The following LRCH2 variants were observed in gnomAD, a reference collection of about 807,000 sequenced individuals.
The protein encoded by LRCH2 is leucine rich repeats and calponin homology domain containing 2, also known as leucine-rich repeat and calponin homology domain-containing protein 2.
In LRCH2, 38 loss-of-function variants were observed where a neutral mutation model predicts 68.9. The observed-to-expected ratio is 0.55, with a 90% confidence interval of 0.43 to 0.72. The LOEUF (loss-of-function observed/expected upper bound fraction) is 0.72, where lower values mean the gene tolerates loss of function less well. LRCH2 is among the 30% of genes least tolerant of loss of function. The pLI is 0.00. For synonymous variants in LRCH2, 191 were observed against 208.1 expected (o/e 0.92, Z 0.71); for missense variants, 528 against 572.9 (o/e 0.92, Z 0.80).
chrX:115,182,518 A>G (rs1382274043), intron 3 of LRCH2, among the ~76,000 whole-genome samples: 3 of 111,935 alleles, frequency 2.7e-5, no homozygotes, highest in African/African-American at 9.8e-5. Flanking sequence ...AAGGATGTTT[A>G]AGCTATAGAA....
chrX:115,161,470 CTTATA>C (rs1249521985), intron 11 of LRCH2, among the ~76,000 whole-genome samples: 1 of 111,722 alleles, frequency 9.0e-6, no homozygotes, highest in East Asian at 2.8e-4. Context: ...CTAAAAAGTT[CTTATA>C]TTAGTATGTA....
At chrX:115,116,024 C>T (rs964990095) in intron 20 of LRCH2, among the ~76,000 whole-genome samples, 26 of 110,867 alleles carry the variant, frequency 2.3e-4, no homozygotes, top group African/African-American at 7.5e-4. Flanking sequence ...ACTAAAATAG[C>T]TACAACCAAA....
intron 1 of LRCH2, 99 bp downstream of exon 1, chrX:115,233,594 C>G (rs1359527596): frequency 1.6e-4 from 144 of 895,252 alleles, no homozygotes; most frequent in Non-Finnish European, 2.1e-4. Flanking sequence ...TCCCCGCGCA[C>G]CCGCCCAGAC....
At chrX:115,206,828 T>G (rs2072971052) in intron 1 of LRCH2, among the ~76,000 whole-genome samples, 1 of 108,657 alleles carries the variant, frequency 9.2e-6, no homozygotes, top group Non-Finnish European at 1.9e-5. Context: ...TGTTTCAGAT[T>G]TAAAATCAGT....
In LRCH2 at chrX:115,187,054, G is replaced by A. The variant is rs782247693; in HGVS notation, c.494+1172C>T. On this transcript the variant is annotated intron_variant, in intron 2 of 20. Transcript: ENST00000317135. ...AGGATGGTCTCGATCTCCTAACCTC[G>A]TGATCCACCCGCCTTGGCCTCCCAA... 8.1e-5 allele frequency among the ~76,000 whole-genome samples: 9 copies of A among 111,069 alleles called. No individual in the cohort carries two copies. The South Asian group carries it at 2.7e-3, about 33-fold the overall frequency.
At chrX:115,150,664 T>C (rs782216497) in intron 12 of LRCH2, among the ~76,000 whole-genome samples, 1 of 111,223 alleles carries the variant, frequency 9.0e-6, no homozygotes, top group Non-Finnish European at 1.9e-5. Flanking sequence ...GAAGCTGCTA[T>C]AACTTAACAC....
intron 12 of LRCH2, among the ~76,000 whole-genome samples, chrX:115,156,194 T>C (rs1381005834): frequency 3.6e-5 from 4 of 111,724 alleles, no homozygotes; most frequent in Admixed American, 2.9e-4. Context: ...TTCTCAGGAA[T>C]TCATATATGT....
At chrX:115,213,021 A>G (rs1556570335) in intron 1 of LRCH2, among the ~76,000 whole-genome samples, 1 of 107,372 alleles carries the variant, frequency 9.3e-6, no homozygotes, top group Non-Finnish European at 1.9e-5. Context: ...CTGGTCTCAA[A>G]CTCCTGGGCT....
intron 5 of LRCH2, among the ~76,000 whole-genome samples, chrX:115,171,220 C>G (rs1461607040): frequency 9.0e-6 from 1 of 111,277 alleles, no homozygotes; most frequent in Non-Finnish European, 1.9e-5. Context: ...GCAAAAAAAT[C>G]AGCAAAGAAA....
intron 1 of LRCH2, 113 bp downstream of exon 1, chrX:115,233,580 G>A: frequency 1.3e-6 from 1 of 782,550 alleles, no homozygotes; most frequent in Non-Finnish European, 1.8e-6. Flanking sequence ...TGTTAGTCTG[G>A]CGGTCCCCGC....
chrX:115,132,461 C>T (rs1057076931), intron 14 of LRCH2, among the ~76,000 whole-genome samples: 25 of 111,643 alleles, frequency 2.2e-4, no homozygotes, highest in Non-Finnish European at 9.4e-5. Flanking sequence ...CCTTTACATA[C>T]GCAGCATTAT....
intron 1 of LRCH2, among the ~76,000 whole-genome samples, chrX:115,196,787 A>G (rs2072890482): frequency 9.0e-6 from 1 of 111,280 alleles, no homozygotes; most frequent in South Asian, 3.9e-4. Flanking sequence ...GGAGCTTGAG[A>G]GCCTGCTTAT....
chrX:115,221,993 G>A (rs1449746980), intron 1 of LRCH2, among the ~76,000 whole-genome samples: 3 of 109,593 alleles, frequency 2.7e-5, no homozygotes, highest in East Asian at 2.9e-4. Flanking sequence ...TACTTTCAAC[G>A]AGCAGCACAT....
At chrX:115,148,875 GT>G (rs1394013390) in intron 14 of LRCH2, among the ~76,000 whole-genome samples, 1 of 111,311 alleles carries the variant, frequency 9.0e-6, no homozygotes, top group East Asian at 2.8e-4. Context: ...TAACAGTTTT[GT>G]TTTAGTCATG....
At chrX:115,197,474 G>T (rs781821292) in intron 1 of LRCH2, among the ~76,000 whole-genome samples, 1 of 111,469 alleles carries the variant, frequency 9.0e-6, no homozygotes, top group Admixed American at 9.5e-5. Context: ...TAAAAAGCCC[G>T]AGTGTGGTGG....
intron 5 of LRCH2, among the ~76,000 whole-genome samples, chrX:115,177,316 T>A (rs2072658046): frequency 9.0e-6 from 1 of 110,616 alleles, no homozygotes; most frequent in South Asian, 3.9e-4. Flanking sequence ...ATGGTGAGCT[T>A]CCATCTATCT....
At position 115,190,780 on chromosome X, in the gene LRCH2, C is replaced by T. The variant is rs782438431; in HGVS notation, c.350-2410G>A. ...CTCCACTGATGCCCACAGCAGGGGC[C>T]GGTCCGACGACGCCTACAGTGGGGG... On this transcript the variant is annotated intron_variant, in intron 1 of 20. Coordinates refer to ENST00000317135, the MANE Select transcript of LRCH2 (RefSeq NM_020871.4). The T allele has an allele frequency of 2.6e-4, 298 of 1,164,459 alleles. No individual in the cohort carries two copies. In the African/African-American group the frequency reaches 4.3e-3, roughly 17 times the overall value.
At chrX:115,174,606 CA>C (rs1556549373) in intron 5 of LRCH2, among the ~76,000 whole-genome samples, 2 of 85,196 alleles carry the variant, frequency 2.3e-5, no homozygotes, top group Non-Finnish European at 2.4e-5. Context: ...CCCCCCCACA[CA>C]CACACACACA....
At chrX:115,183,961 A>C (rs782774457) in intron 3 of LRCH2, among the ~76,000 whole-genome samples, 4 of 112,286 alleles carry the variant, frequency 3.6e-5, no homozygotes, top group Non-Finnish European at 7.5e-5. Context: ...TCAGTCTAAA[A>C]AGTGTCATAA....
Sources: allele counts gnomAD v4.1 joint callset (sites outside exome capture counted in the v4.1 genomes callset), GRCh38; gene constraint gnomAD v4.1.1; transcripts MANE v1.5; gene names NCBI Gene and HGNC (gene_info 2026-07-23, HGNC 2026-07-21).